SPATA13: variants seen among roughly 807,000 people sequenced by gnomAD.
SPATA13 encodes the protein spermatogenesis associated 13, also known as spermatogenesis-associated protein 13.
SPATA13 carries 50 observed loss-of-function variants against 104.0 expected under a neutral mutation model. That is an observed-to-expected ratio of 0.48 (90% CI 0.38 to 0.61). SPATA13 has a LOEUF of 0.61. Among genes scored for constraint, SPATA13 ranks in the 20% least tolerant of loss-of-function variants. The pLI is 0.00. For synonymous variants in SPATA13, 606 were observed against 667.5 expected, an observed-to-expected ratio of 0.91 and a Z score of 1.42; for missense variants, 1,524 against 1,690.6, an observed-to-expected ratio of 0.90 and a Z score of 1.73.
chr13:24,220,452 C>T (rs543211101), intron 1 of SPATA13, among the ~76,000 whole-genome samples: 16 of 152,350 alleles, frequency 1.1e-4, no homozygotes, highest in African/African-American at 2.9e-4. Context: ...ATTAAACAAT[C>T]TCATTCATTT....
At chr13:24,283,992 A>C in intron 4 of SPATA13, 143 bp from the exon 5 acceptor site, 2 of 808,298 alleles carry the variant, frequency 2.5e-6, no homozygotes, top group Non-Finnish European at 3.8e-6. Flanking sequence ...GGAGTAATGT[A>C]GACATTTTCT....
chr13:24,118,448 A>G (rs4770586), intron 3 of SPATA13, among the ~76,000 whole-genome samples: 100,600 of 151,988 alleles, frequency 0.66, 33,902 homozygotes, highest in East Asian at 0.93. Context: ...CCTAAGCACC[A>G]GAAGCTCAAT....
At chr13:24,285,586 C>T (rs190123265) in intron 5 of SPATA13, among the ~76,000 whole-genome samples, 132 of 146,162 alleles carry the variant, frequency 9.0e-4, no homozygotes, top group Non-Finnish European at 1.5e-3. Flanking sequence ...GATGTAATCT[C>T]GGCTCACTGC....
intron 3 of SPATA13, among the ~76,000 whole-genome samples, chr13:24,050,749 A>C (rs1420364085): frequency 6.6e-6 from 1 of 152,206 alleles, no homozygotes; most frequent in Non-Finnish European, 1.5e-5. Context: ...AATGCTGACG[A>C]GCATGGTCTG....
At chr13:24,229,555 A>G (rs781107495) in intron 2 of SPATA13, among the ~76,000 whole-genome samples, 6 of 152,122 alleles carry the variant, frequency 3.9e-5, no homozygotes, top group Non-Finnish European at 7.4e-5. Context: ...CACTGTTTAG[A>G]TGATTTTTCC....
In SPATA13 at chr13:24,223,521, C is replaced by T; in HGVS notation, c.592C>T (p.His198Tyr). 1 of 1,548,484 alleles carries T rather than the reference C, an allele frequency of 6.5e-7. No homozygotes were observed. Among genetic ancestry groups the T allele is most frequent in the Non-Finnish European group, 8.7e-7 (1 of 1,146,996 alleles). The stretch of plus-strand genomic sequence containing the variant: ...GGACGATGCCTTCCAGCGGAGCACA[C>T]ACCGCTCCCGCAGCCTCCGCAGAGC... The part of the protein sequence containing the change: ...DTDDAFQRST[H>Y]RSRSLRRAYG... The change falls in exon 2 of 13, where the codon CAC (histidine) becomes TAC (tyrosine). Residue 198 changes from histidine (H) to tyrosine (Y), a missense_variant. By Grantham distance (83) the His-to-Tyr change is moderately conservative. Around this residue, in one of 2 missense-constraint regions of SPATA13, gnomAD observed 1,089 missense variants for 1,135.9 expected, o/e 0.96. Transcript: ENST00000382108.
In SPATA13 at chr13:24,123,564, A is replaced by G. The variant is rs1038838177; in HGVS notation, c.-111-99255A>G. 9 of 1,610,688 alleles carry G rather than the reference A, an allele frequency of 5.6e-6. No individual in the cohort carries two copies. In the Admixed American group the frequency reaches 8.3e-5, roughly 15 times the overall value. Reference sequence around the variant, plus strand: ...TGTAAGAATCTGGTAACAAAATCCTATAGTCTTTTGCAGTACCTCTTTCCT... The same window carrying G: ...TGTAAGAATCTGGTAACAAAATCCTGTAGTCTTTTGCAGTACCTCTTTCCT... On this transcript the variant is annotated intron_variant, in intron 3 of 14. Transcript: ENST00000424834.
At chr13:24,039,511 C>G (rs773005780) in intron 3 of SPATA13, among the ~76,000 whole-genome samples, 5 of 152,166 alleles carry the variant, frequency 3.3e-5, no homozygotes, top group Non-Finnish European at 7.4e-5. Flanking sequence ...AGTTGGCAAG[C>G]GCTTTGACTT....
rs1239008291 is a variant in SPATA13 at position 24,233,980 on chromosome 13, T to C, written c.1653+9398T>C. On this transcript the variant is annotated intron_variant, in intron 2 of 12. Transcript: ENST00000382108. ...AATCTAAATAAAATTATCGTATACCTGTAGTTTTGAACTTTCCAGTGGCTC... is the reference window on the plus strand; with the variant it reads ...AATCTAAATAAAATTATCGTATACCCGTAGTTTTGAACTTTCCAGTGGCTC... 2.0e-5 allele frequency among the ~76,000 whole-genome samples: 3 copies of C among 152,160 alleles called. No individual in the cohort carries two copies. In the East Asian group the frequency reaches 5.8e-4, roughly 29 times the overall value.
chr13:23,988,099 A>G (rs1449424628), intron 2 of SPATA13, among the ~76,000 whole-genome samples: 1 of 151,838 alleles, frequency 6.6e-6, no homozygotes, highest in East Asian at 1.9e-4. Flanking sequence ...ACCTACCACC[A>G]CGTCTGGTTA....
At position 24,146,699 on chromosome 13, in the gene SPATA13, C is replaced by T. The variant is rs549156249; in HGVS notation, c.-111-76120C>T. Among the ~76,000 whole-genome samples, 394 of 152,262 alleles carry T rather than the reference C, an allele frequency of 2.6e-3. 2 individuals are homozygous for T. Among genetic ancestry groups the T allele is most frequent in the African/African-American group, 8.6e-3 (359 of 41,558 alleles). On this transcript the variant is annotated intron_variant, in intron 3 of 14. Transcript: ENST00000424834. ...GTCACAGGTTAGAGATATGTGAATG[C>T]CATGATTATGTTATACATTTAATTA...
chr13:24,123,520 G>T, intron 3 of SPATA13: 1 of 1,611,058 alleles, frequency 6.2e-7, no homozygotes, highest in Non-Finnish European at 8.5e-7. Flanking sequence ...TCTTTTTTTC[G>T]AGGGTCAGCA....
At chr13:24,134,042 G>A (rs979681282) in intron 3 of SPATA13, among the ~76,000 whole-genome samples, 7 of 152,156 alleles carry the variant, frequency 4.6e-5, no homozygotes, top group African/African-American at 7.2e-5. Context: ...TTGCTGGCGG[G>A]AGGTGGGGAG....
At position 24,223,831 on chromosome 13, in the gene SPATA13, G is replaced by C. The variant is rs1377553393; in HGVS notation, c.902G>C (p.Gly301Ala). The change falls in exon 2 of 13, where the codon GGG (glycine) becomes GCG (alanine). Residue 301 changes from glycine to alanine, a missense_variant. Gly to Ala is a moderately conservative substitution (Grantham distance 60). Coordinates refer to ENST00000382108, the MANE Select transcript of SPATA13 (RefSeq NM_001166271.3). ...TCCTCCACTGACTCCCAAAAGCTTG[G>C]GTCAGGAAGGACCAAACGCTGGAGG... Reference protein sequence around the residue: ...SSSSTDSQKLGSGRTKRWRSP... With the variant: ...SSSSTDSQKLASGRTKRWRSP... 1.3e-6 allele frequency: 2 copies of C among 1,551,762 alleles called. No homozygotes were observed. Among genetic ancestry groups the C allele is most frequent in the African/African-American group, 1.4e-5 (1 of 73,162 alleles).
rs71712571 is a variant in SPATA13, at chr13:24,057,057, C to CT, written c.-112+39368dup. The stretch of plus-strand genomic sequence containing the variant: ...TTTCTTTCATAGCGTCTGGCTCTTT[C>CT]TTTTTTTTTTTTCTTTTTTTAAAAA... On this transcript the variant is annotated intron_variant, in intron 3 of 14. Transcript: ENST00000424834. Among the ~76,000 whole-genome samples the CT allele has an allele frequency of 5.2e-3, 700 of 135,290 alleles. 8 individuals are homozygous for CT. The highest frequency in any genetic ancestry group is 0.01 in the Admixed American group (139 of 13,600). The allele number at this position is 135,290 out of a possible 152,430, so 88.8% of individuals were successfully genotyped here.
At chr13:24,191,507 T>C (rs1171076243) in intron 1 of SPATA13, among the ~76,000 whole-genome samples, 17 of 121,114 alleles carry the variant, frequency 1.4e-4, no homozygotes, top group South Asian at 5.6e-4. Context: ...CTTTCTTTTT[T>C]TTTTTTTTTT....
intron 3 of SPATA13, among the ~76,000 whole-genome samples, chr13:24,047,910 G>A (rs945610191): frequency 6.6e-6 from 1 of 152,210 alleles, no homozygotes; most frequent in Non-Finnish European, 1.5e-5. Context: ...CTGAGAAACA[G>A]GGAAGCCAGT....
chr13:23,989,092 G>C (rs1328574468), intron 2 of SPATA13, among the ~76,000 whole-genome samples: 1 of 152,174 alleles, frequency 6.6e-6, no homozygotes, highest in Non-Finnish European at 1.5e-5. Context: ...TTGTGAGAAA[G>C]TTATAAAAAT....
At chr13:24,268,903 G>T (rs902130122) in intron 4 of SPATA13, among the ~76,000 whole-genome samples, 4 of 152,162 alleles carry the variant, frequency 2.6e-5, no homozygotes, top group African/African-American at 9.7e-5. Context: ...GGATTTGAGG[G>T]TGGGATGCTC....
Sources: allele counts gnomAD v4.1 joint callset (sites outside exome capture counted in the v4.1 genomes callset), GRCh38; gene constraint gnomAD v4.1.1; regional missense constraint gnomAD v4.1.1; transcripts MANE v1.5; gene names NCBI Gene and HGNC (gene_info 2026-07-23, HGNC 2026-07-21).